DYM: variants seen among roughly 807,000 people sequenced by gnomAD.
The protein encoded by DYM is dymeclin.
In DYM, 78 loss-of-function variants were observed where a neutral mutation model predicts 93.1. The ratio of observed to expected loss-of-function variants is 0.84; its 90% confidence interval spans 0.70 to 1.01. The LOEUF (loss-of-function observed/expected upper bound fraction) is 1.01. Among genes scored for constraint, DYM ranks in the 50% least tolerant of loss-of-function variants. The pLI, the probability that DYM is intolerant of heterozygous loss-of-function variation, is 0.00. For missense variants in DYM, 789 were observed against 845.0 expected (o/e 0.93, Z 0.82); for synonymous variants, 321 against 319.7 (o/e 1.00, Z -0.04).
At chr18:49,439,320 G>A (rs973102950) in intron 1 of DYM, among the ~76,000 whole-genome samples, 3 of 152,138 alleles carry the variant, frequency 2.0e-5, no homozygotes, top group Non-Finnish European at 4.4e-5. Flanking sequence ...TATCTTCAAT[G>A]CAATGTAGTC....
intron 5 of DYM, among the ~76,000 whole-genome samples, chr18:49,378,249 T>C (rs2067699478): frequency 6.6e-6 from 1 of 152,218 alleles, no homozygotes; most frequent in South Asian, 2.1e-4. Context: ...ACCTCTGTTT[T>C]CTGAAAGAAA....
intron 5 of DYM, among the ~76,000 whole-genome samples, chr18:49,370,380 C>T (rs2066917840): frequency 6.6e-6 from 1 of 152,070 alleles, no homozygotes; most frequent in Non-Finnish European, 1.5e-5. Flanking sequence ...GCTTTATTTC[C>T]CACCACCCCC....
intron 17 of DYM, among the ~76,000 whole-genome samples, chr18:49,078,286 G>A (rs1204693927): frequency 1.3e-5 from 2 of 151,940 alleles, no homozygotes; most frequent in Admixed American, 1.3e-4. Context: ...ATGCTTGAGG[G>A]GATGGATACC....
intron 10 of DYM, among the ~76,000 whole-genome samples, chr18:49,274,419 C>G (rs566043060): frequency 6.6e-6 from 1 of 152,220 alleles, no homozygotes; most frequent in East Asian, 1.9e-4. Flanking sequence ...ACTGTTTCCA[C>G]TTTTTTGCTA....
intron 17 of DYM, chr18:49,097,119 T>C (rs2079613249): frequency 2.0e-6 from 1 of 489,486 alleles, no homozygotes; most frequent in East Asian, 3.9e-5. Flanking sequence ...GATGATACTC[T>C]TAAGGCCGAA....
intron 2 of DYM, among the ~76,000 whole-genome samples, chr18:49,396,445 C>T (rs1340872863): frequency 1.3e-5 from 2 of 152,070 alleles, no homozygotes; most frequent in African/African-American, 4.8e-5. Context: ...AGCTGAGCAT[C>T]CCTAATCCAA....
rs188934942 is a variant in DYM, at chr18:49,275,078, C to G, written c.1126-2775G>C. On this transcript the variant is annotated intron_variant, in intron 10 of 17. Coordinates refer to ENST00000675505, the MANE Select transcript of DYM (RefSeq NM_001353214.3). ...AATTCAAGGTCATGAAGATTTACCC[C>G]CATTTCTTCTAAGAGGTTTATAGTT... Among the ~76,000 whole-genome samples, 10 of 152,232 alleles carry G rather than the reference C, an allele frequency of 6.6e-5. No individual in the cohort carries two copies. In the East Asian group the frequency reaches 9.6e-4, roughly 15 times the overall value.
At chr18:49,154,022 T>A (rs2086110021) in intron 15 of DYM, among the ~76,000 whole-genome samples, 1 of 152,192 alleles carries the variant, frequency 6.6e-6, no homozygotes, top group African/African-American at 2.4e-5. Flanking sequence ...TTTCCCAGTA[T>A]GATGCACTGA....
At position 49,299,998 on chromosome 18, in the gene DYM, G is replaced by A. The variant is rs796881209; in HGVS notation, c.764-13382C>T. On this transcript the variant is annotated intron_variant, in intron 8 of 17. Transcript: ENST00000675505. ...ATGGAGCTTGCAGTGAGCCGAGATC[G>A]TGCCACTGCACTCCAGCCTGGTGAT... Among the ~76,000 whole-genome samples the A allele has an allele frequency of 2.8e-4, 42 of 148,030 alleles. 3 individuals are homozygous for A. Among genetic ancestry groups the A allele is most frequent in the East Asian group, 2.8e-3 (14 of 5,038 alleles).
intron 15 of DYM, among the ~76,000 whole-genome samples, chr18:49,132,755 A>G (rs2083480979): frequency 6.6e-6 from 1 of 152,204 alleles, no homozygotes. Flanking sequence ...AGTAATTTCA[A>G]GAATTCTGGA....
At chr18:49,216,387 T>C (rs1043540577) in intron 13 of DYM, among the ~76,000 whole-genome samples, 2 of 152,176 alleles carry the variant, frequency 1.3e-5, no homozygotes, top group African/African-American at 2.4e-5. Flanking sequence ...TTTGACAGCT[T>C]TGAAGAGAGT....
intron 2 of DYM, among the ~76,000 whole-genome samples, chr18:49,410,457 T>A (rs1477538997): frequency 6.6e-6 from 1 of 151,000 alleles, no homozygotes; most frequent in Non-Finnish European, 1.5e-5. Context: ...AGAAGTTGAA[T>A]AATATATACT....
chr18:49,404,868 C>A (rs148314903), intron 2 of DYM, among the ~76,000 whole-genome samples: 1,828 of 152,016 alleles, frequency 0.012, 23 homozygotes, highest in Non-Finnish European at 0.02. Flanking sequence ...CAAAAATTAG[C>A]CAGGCATGGT....
At chr18:49,229,052 T>C (rs1418228358) in intron 13 of DYM, among the ~76,000 whole-genome samples, 3 of 139,402 alleles carry the variant, frequency 2.2e-5, no homozygotes, top group African/African-American at 5.4e-5. Context: ...AGTATACACA[T>C]ACTTACTAAA....
At chr18:49,303,533 T>A (rs1220813908) in intron 8 of DYM, among the ~76,000 whole-genome samples, 1 of 152,092 alleles carries the variant, frequency 6.6e-6, no homozygotes, top group Admixed American at 6.5e-5. Flanking sequence ...GAGGAAGGCA[T>A]TTCAGTGTAT....
In DYM at chr18:49,128,333, A is replaced by G. The variant is rs1015733899; in HGVS notation, c.1729-9407T>C. The stretch of plus-strand genomic sequence containing the variant: ...TTGGTGTTCTGTTTTTAAAAGTTCA[A>G]TGTTTTACCTTAAGTATTAGTGTTC... On this transcript the variant is annotated intron_variant, in intron 15 of 17. Coordinates refer to ENST00000675505, the MANE Select transcript of DYM (RefSeq NM_001353214.3). Among the ~76,000 whole-genome samples the G allele has an allele frequency of 5.9e-5, 9 of 152,176 alleles. No homozygotes were observed. In the South Asian group the frequency reaches 1.0e-3, roughly 18 times the overall value.
intron 8 of DYM, among the ~76,000 whole-genome samples, chr18:49,314,503 A>C (rs1347550779): frequency 1.3e-5 from 2 of 152,236 alleles, no homozygotes; most frequent in Non-Finnish European, 2.9e-5. Context: ...AGTGTGTTAA[A>C]GAGTAGATAC....
intron 5 of DYM, among the ~76,000 whole-genome samples, chr18:49,363,986 A>AT (rs1412426096): frequency 1.3e-5 from 2 of 152,160 alleles, no homozygotes; most frequent in African/African-American, 2.4e-5. Context: ...CTCAGTTCTT[A>AT]TAATACTTTA....
chr18:49,214,739 T>C (rs1177860495), intron 13 of DYM, among the ~76,000 whole-genome samples: 1 of 152,180 alleles, frequency 6.6e-6, no homozygotes, highest in African/African-American at 2.4e-5. Context: ...GCATTTGACA[T>C]TATGAGCTAA....
Sources: allele counts gnomAD v4.1 joint callset (sites outside exome capture counted in the v4.1 genomes callset), GRCh38; gene constraint gnomAD v4.1.1; transcripts MANE v1.5; gene names NCBI Gene and HGNC (gene_info 2026-07-23, HGNC 2026-07-21).